LIM2: variants seen among roughly 807,000 people sequenced by gnomAD.
LIM2 encodes lens intrinsic membrane protein 2.
LIM2 carries 14 observed loss-of-function variants against 19.0 expected under a neutral mutation model. That is an observed-to-expected ratio of 0.74 (90% CI 0.49 to 1.15). The LOEUF (loss-of-function observed/expected upper bound fraction) is 1.15. Among genes scored for constraint, LIM2 ranks in the 50% most tolerant of loss-of-function variants. LIM2 has a pLI of 0.00. For missense variants in LIM2, 230 were observed against 243.5 expected (o/e 0.94, Z 0.37); for synonymous variants, 78 against 89.6 (o/e 0.87, Z 0.73).
Position 51,382,458 on chromosome 19 carries a change from G to C in LIM2, c.285C>G (p.Ile95Met). ...AFAHQPTFSR[I>M]SRPFSAGIMF... Reference sequence around the variant, plus strand: ...TGATGCCAGCAGAGAAGGGCCGGGAGATGCGGGAGAAGGTAGGCTGATGAG... The same window carrying C: ...TGATGCCAGCAGAGAAGGGCCGGGACATGCGGGAGAAGGTAGGCTGATGAG... The change falls in exon 3 of 5, where the codon ATC (isoleucine) becomes ATG (methionine). Residue 95 changes from isoleucine to methionine, a missense_variant. Transcript: ENST00000596399. 6.2e-7 allele frequency: 1 copy of C among 1,614,034 alleles called. No individual in the cohort carries two copies. Among genetic ancestry groups the C allele is most frequent in the Non-Finnish European group, 8.5e-7 (1 of 1,180,018 alleles).
intron 2 of LIM2, among the ~76,000 whole-genome samples, chr19:51,383,600 A>G (rs1258110906): frequency 6.6e-6 from 1 of 152,186 alleles, no homozygotes; most frequent in African/African-American, 2.4e-5. Flanking sequence ...CAGGAAAGAT[A>G]ATAATAATCT....
chr19:51,381,280 G>A (rs1986886652), intron 3 of LIM2, among the ~76,000 whole-genome samples: 1 of 152,060 alleles, frequency 6.6e-6, no homozygotes, highest in Non-Finnish European at 1.5e-5. Context: ...CTGAGATCGA[G>A]CCACTACACT....
intron 2 of LIM2, among the ~76,000 whole-genome samples, chr19:51,386,014 C>T (rs988401006): frequency 3.9e-5 from 6 of 152,158 alleles, no homozygotes; most frequent in African/African-American, 1.4e-4. Context: ...TGAGTTTATC[C>T]ATGTAAAGTG....
intron 2 of LIM2, among the ~76,000 whole-genome samples, chr19:51,385,946 T>A (rs560446862): frequency 6.6e-6 from 1 of 152,260 alleles, no homozygotes; most frequent in South Asian, 2.1e-4. Context: ...TGAGATCAAA[T>A]CTCATGTCTC....
chr19:51,384,573 A>T (rs1986981797), intron 2 of LIM2, among the ~76,000 whole-genome samples: 1 of 152,236 alleles, frequency 6.6e-6, no homozygotes, highest in Non-Finnish European at 1.5e-5. Flanking sequence ...AACACCAAAG[A>T]TTCCCAGAAA....
intron 2 of LIM2, 46 bp from the exon 3 acceptor site, chr19:51,382,613 G>T: frequency 6.2e-7 from 1 of 1,611,098 alleles, no homozygotes; most frequent in Non-Finnish European, 8.5e-7. Context: ...CCTGCTCTAA[G>T]TGAGAGATGC....
rs1307954586 is a variant in LIM2 at position 51,382,455 on chromosome 19, G to A, written c.288C>T (p.Ser96=). Residue 96 remains serine (S), a synonymous_variant, in exon 3 of 5, where the codon TCC becomes TCT. Transcript: ENST00000596399. The part of the protein sequence containing the change: ...FAHQPTFSRI[S]RPFSAGIMFF... ...ACATGATGCCAGCAGAGAAGGGCCGGGAGATGCGGGAGAAGGTAGGCTGAT... is the reference window on the plus strand; with the variant it reads ...ACATGATGCCAGCAGAGAAGGGCCGAGAGATGCGGGAGAAGGTAGGCTGAT... The A allele has an allele frequency of 6.2e-7, 1 of 1,613,994 alleles. No homozygotes were observed. The highest frequency in any genetic ancestry group is 1.7e-5 in the Admixed American group (1 of 60,002).
chr19:51,380,747 T>A, intron 3 of LIM2, 108 bp from the exon 4 acceptor site: 1 of 1,187,134 alleles, frequency 8.4e-7, no homozygotes, highest in Non-Finnish European at 1.2e-6. Context: ...GGGAAAGGGG[T>A]GGAAATGGGT....
intron 2 of LIM2, among the ~76,000 whole-genome samples, chr19:51,383,593 G>A (rs1204767947): frequency 2.0e-5 from 3 of 152,184 alleles, no homozygotes; most frequent in Non-Finnish European, 4.4e-5. Context: ...GGCCCCTCAG[G>A]AAAGATAATA....
intron 3 of LIM2, 112 bp downstream of exon 3, chr19:51,382,306 G>A (rs1457985607): frequency 4.0e-6 from 5 of 1,235,326 alleles, no homozygotes; most frequent in Non-Finnish European, 5.9e-6. Flanking sequence ...AGGGTGGGGT[G>A]GGGTTGAGTG....
Position 51,380,135 on chromosome 19 carries a change from A to T in LIM2, c.*66T>A. 2.0e-6 allele frequency: 3 copies of T among 1,480,086 alleles called. No homozygotes were observed. The highest frequency in any genetic ancestry group is 1.9e-6 in the Non-Finnish European group (2 of 1,065,826). The allele number at this position is 1,480,086 out of a possible 1,614,324, so 91.7% of individuals were successfully genotyped here. On this transcript the variant is annotated 3_prime_UTR_variant, in exon 5 of 5. Transcript: ENST00000596399. ...AGGAACCAGGATTTCAGGCCTCTAG[A>T]CCCTCCTCCTCCTCTTCAGTGGCCT... is the stretch of plus-strand genomic sequence containing the variant.
intron 2 of LIM2, among the ~76,000 whole-genome samples, chr19:51,384,682 A>G (rs1986984898): frequency 6.6e-6 from 1 of 152,134 alleles, no homozygotes; most frequent in Admixed American, 6.5e-5. Flanking sequence ...GGCCTCCAGA[A>G]CTGTGAGACA....
chr19:51,386,667 A>C (rs1449522946), intron 2 of LIM2, among the ~76,000 whole-genome samples: 1 of 148,422 alleles, frequency 6.7e-6, no homozygotes, highest in African/African-American at 2.5e-5. Flanking sequence ...TTAGTAATTT[A>C]TTATATAATA....
At chr19:51,387,822 G>A (rs73562108) in intron 1 of LIM2, 97 bp downstream of exon 1, 4,423 of 287,772 alleles carry the variant, frequency 0.015, 198 homozygotes, top group African/African-American at 0.089. Context: ...AGGGGCTAGG[G>A]GGTAGGACAC....
chr19:51,386,860 T>C (rs1987066486), intron 2 of LIM2, among the ~76,000 whole-genome samples: 1 of 152,138 alleles, frequency 6.6e-6, no homozygotes, highest in Non-Finnish European at 1.5e-5. Context: ...TGTATCTCTC[T>C]ATCTATGGCC....
At chr19:51,386,706 ATAT>A (rs1181346083) in intron 2 of LIM2, among the ~76,000 whole-genome samples, 2 of 103,860 alleles carry the variant, frequency 1.9e-5, no homozygotes, top group African/African-American at 7.8e-5. Flanking sequence ...ACTATACTGT[ATAT>A]TATTGTCTAT....
In LIM2 at chr19:51,380,071, A is replaced by G; in HGVS notation, c.*130T>C. ...TAGGACCAGGAGTCAGCCTCCCCCC[A>G]CAAACCCACAGTCCAGAACTGAGCC... On this transcript the variant is annotated 3_prime_UTR_variant, in exon 5 of 5. Transcript: ENST00000596399. The G allele has an allele frequency of 1.2e-6, 1 of 862,136 alleles. No homozygotes were observed. 53.4% of individuals were successfully genotyped at this position (862,136 alleles called of 1,614,324 possible).
intron 2 of LIM2, among the ~76,000 whole-genome samples, chr19:51,383,835 T>C (rs1986963911): frequency 2.0e-5 from 3 of 152,210 alleles, no homozygotes; most frequent in Non-Finnish European, 4.4e-5. Context: ...ACTGCTTGGC[T>C]ATTCTGTCTG....
At chr19:51,387,545 T>G (rs1987107663) in intron 1 of LIM2, 96 bp from the exon 2 acceptor site, 10 of 1,551,794 alleles carry the variant, frequency 6.4e-6, no homozygotes, top group Non-Finnish European at 8.7e-6. Context: ...GGATGCCAAG[T>G]GCTTGGGAGA....
Sources: allele counts gnomAD v4.1 joint callset (sites outside exome capture counted in the v4.1 genomes callset), GRCh38; gene constraint gnomAD v4.1.1; transcripts MANE v1.5; gene names NCBI Gene and HGNC (gene_info 2026-07-23, HGNC 2026-07-21).